Variants in ARHGAP32 observed in about 807,000 individuals in gnomAD.
ARHGAP32 encodes Rho GTPase activating protein 32.
ARHGAP32 carries 51 observed loss-of-function variants against 186.5 expected under a neutral mutation model. The observed-to-expected ratio is 0.27, with a 90% CI of 0.22 to 0.35. The LOEUF (loss-of-function observed/expected upper bound fraction) is 0.35, where lower values mean the gene tolerates loss of function less well. Among genes scored for constraint, ARHGAP32 ranks in the 10% least tolerant of loss-of-function variants. The pLI, the probability that ARHGAP32 is intolerant of heterozygous loss-of-function variation, is 1.00. For synonymous variants in ARHGAP32, 950 were observed against 964.3 expected (o/e 0.99, Z 0.27); for missense variants, 2,186 against 2,623.5 (o/e 0.83, Z 3.64).
At chr11:129,189,105 C>T (rs1001635798) in intron 1 of ARHGAP32, among the ~76,000 whole-genome samples, 1 of 152,084 alleles carries the variant, frequency 6.6e-6, no homozygotes, top group East Asian at 1.9e-4. Flanking sequence ...ATGCTCATAA[C>T]CTCCTCAAAA....
intron 1 of ARHGAP32, among the ~76,000 whole-genome samples, chr11:129,172,950 AG>A (rs1373095192): frequency 1.3e-5 from 2 of 151,740 alleles, no homozygotes; most frequent in Admixed American, 1.3e-4. Context: ...AGATCAGAGA[AG>A]AAATGAAGGA....
chr11:129,025,122 G>A lies in ARHGAP32; in HGVS notation c.1045+15806C>T, dbSNP rs1377035634. Among the ~76,000 whole-genome samples the A allele has an allele frequency of 2.8e-4, 42 of 151,964 alleles. 1 individual carries two copies. The highest frequency in any genetic ancestry group is 2.6e-3 in the Admixed American group (40 of 15,248). On this transcript the variant is annotated intron_variant, in intron 11 of 22. Coordinates refer to ENST00000682385, the MANE Select transcript of ARHGAP32 (RefSeq NM_001378024.1). Reference sequence around the variant, plus strand: ...TTACTATGTGCCAGACACAATTCTAGGTATTTAAAAACATTATTTATCCTA... The same window carrying A: ...TTACTATGTGCCAGACACAATTCTAAGTATTTAAAAACATTATTTATCCTA...
intron 2 of ARHGAP32, among the ~76,000 whole-genome samples, chr11:129,157,271 C>G (rs947955481): frequency 1.3e-5 from 2 of 152,048 alleles, no homozygotes; most frequent in African/African-American, 4.8e-5. Flanking sequence ...TGGGTAATAA[C>G]AAACTCCTCC....
At position 129,080,371 on chromosome 11, in the gene ARHGAP32, A is replaced by C. The variant is rs150760572; in HGVS notation, c.531+13250T>G. ...ATAGGCCACAAAACAAATCTCAACA[A>C]ATTAAAGAAAATCGAAATTATAACA... On this transcript the variant is annotated intron_variant, in intron 6 of 22. Coordinates refer to ENST00000682385, the MANE Select transcript of ARHGAP32 (RefSeq NM_001378024.1). Among the ~76,000 whole-genome samples, 220 of 152,258 alleles carry C rather than the reference A, an allele frequency of 1.4e-3. 1 individual carries two copies. The highest frequency in any genetic ancestry group is 4.9e-3 in the African/African-American group (203 of 41,564).
At chr11:129,170,174 A>AAT (rs918054535) in intron 1 of ARHGAP32, among the ~76,000 whole-genome samples, 4 of 151,488 alleles carry the variant, frequency 2.6e-5, no homozygotes, top group South Asian at 2.1e-4. Context: ...ATTAAAGGGA[A>AAT]ATATATATAT....
At position 129,214,585 on chromosome 11, in the gene ARHGAP32, G is replaced by A. The variant is rs373486619; in HGVS notation, c.-4-50158C>T. ...GCTTCCAGGAAGGTGTCTCTCCTTTGTTGCCTTCACTCTGCTCTCCAGAGG... is the reference window on the plus strand; with the variant it reads ...GCTTCCAGGAAGGTGTCTCTCCTTTATTGCCTTCACTCTGCTCTCCAGAGG... On this transcript the variant is annotated intron_variant, in intron 1 of 6. Coordinates refer to the ARHGAP32 transcript ENST00000525234. 3.9e-5 allele frequency among the ~76,000 whole-genome samples: 6 copies of A among 152,280 alleles called. No individual in the cohort carries two copies. The East Asian group carries it at 1.2e-3, about 29-fold the overall frequency.
intron 1 of ARHGAP32, among the ~76,000 whole-genome samples, chr11:129,168,950 T>C (rs2135498284): frequency 6.6e-6 from 1 of 152,214 alleles, no homozygotes; most frequent in South Asian, 2.1e-4. Context: ...AATTAGAAAG[T>C]CTTTTTATGT....
At chr11:128,986,376 C>T in intron 14 of ARHGAP32, 148 bp downstream of exon 14, 7 of 835,826 alleles carry the variant, frequency 8.4e-6, no homozygotes, top group Middle Eastern at 3.7e-4. Flanking sequence ...CAAAGACCAC[C>T]GACTAGCTGG....
chr11:129,244,779 G>C (rs1352876548), intron 1 of ARHGAP32, among the ~76,000 whole-genome samples: 2 of 152,108 alleles, frequency 1.3e-5, no homozygotes, highest in Non-Finnish European at 2.9e-5. Context: ...CCATCAAAAA[G>C]TGGGCAAAGG....
chr11:129,019,527 C>A (rs1313189546), intron 11 of ARHGAP32, among the ~76,000 whole-genome samples: 1 of 152,146 alleles, frequency 6.6e-6, no homozygotes, highest in Non-Finnish European at 1.5e-5. Context: ...CCATCACATT[C>A]TGTGTAATAA....
chr11:129,250,474 T>C (rs559767726), intron 1 of ARHGAP32, among the ~76,000 whole-genome samples: 19 of 152,360 alleles, frequency 1.2e-4, no homozygotes, highest in Admixed American at 2.6e-4. Flanking sequence ...CCATGATGAA[T>C]AAGGACAGCA....
At chr11:129,150,114 C>CAAAAAAAAA (rs61492745) in intron 2 of ARHGAP32, among the ~76,000 whole-genome samples, 1 of 78,166 alleles carries the variant, frequency 1.3e-5, no homozygotes, top group African/African-American at 4.5e-5. Flanking sequence ...CTGACAAAGA[C>CAAAAAAAAA]AAAAAAAAAA....
At chr11:129,165,253 C>A (rs1440198728) in intron 1 of ARHGAP32, among the ~76,000 whole-genome samples, 1 of 151,778 alleles carries the variant, frequency 6.6e-6, no homozygotes, top group Non-Finnish European at 1.5e-5. Flanking sequence ...GGACAGGATG[C>A]CAAGAAACCC....
rs2135531329 is a variant in ARHGAP32, at chr11:129,180,830, A to G, written c.116+11253T>C. ...ATTCAATGAAAATGAAAAATAGGAG[A>G]GAAAACTACTTCCCCCAAATTGAAA... On this transcript the variant is annotated intron_variant, in intron 1 of 22. Coordinates refer to ENST00000682385, the MANE Select transcript of ARHGAP32 (RefSeq NM_001378024.1). Among the ~76,000 whole-genome samples, 3 of 152,260 alleles carry G rather than the reference A, an allele frequency of 2.0e-5. 1 individual carries two copies. The South Asian group carries it at 6.2e-4, about 32-fold the overall frequency.
intron 1 of ARHGAP32, among the ~76,000 whole-genome samples, chr11:129,271,831 C>A (rs1430870759): frequency 1.3e-5 from 2 of 152,114 alleles, no homozygotes; most frequent in African/African-American, 4.8e-5. Context: ...GAACTGACCA[C>A]TAGCTTTGGC....
chr11:129,034,713 T>A (rs1591550913), intron 11 of ARHGAP32, among the ~76,000 whole-genome samples: 4 of 105,454 alleles, frequency 3.8e-5, no homozygotes, highest in Non-Finnish European at 5.8e-5. Context: ...CAACAGAAAG[T>A]ATCCAAACTG....
At chr11:129,060,409 GAAGA>G (rs146118165) in intron 10 of ARHGAP32, among the ~76,000 whole-genome samples, 18,738 of 151,882 alleles carry the variant, frequency 0.12, 1,301 homozygotes, top group Non-Finnish European at 0.15. Context: ...CAGACAGACA[GAAGA>G]AAGTTAGTAG....
chr11:129,084,256 G>T (rs561522694), intron 6 of ARHGAP32, among the ~76,000 whole-genome samples: 1 of 151,078 alleles, frequency 6.6e-6, no homozygotes, highest in Admixed American at 6.6e-5. Flanking sequence ...ATCTCTTCCA[G>T]AAGACAGATG....
At chr11:129,108,244 T>C (rs1942104588) in intron 5 of ARHGAP32, among the ~76,000 whole-genome samples, 1 of 152,196 alleles carries the variant, frequency 6.6e-6, no homozygotes, top group Non-Finnish European at 1.5e-5. Flanking sequence ...AACCACTTGC[T>C]TTCTACAAGA....
Sources: gnomAD v4.1 joint callset for allele counts (sites outside exome capture counted in the v4.1 genomes callset) on GRCh38, gnomAD v4.1.1 for gene constraint, MANE v1.5 for transcripts, NCBI Gene and HGNC (gene_info 2026-07-23, HGNC 2026-07-21) for gene names.